Variants in UXS1 observed in about 807,000 individuals in gnomAD.
UXS1 encodes the protein UDP-glucuronate decarboxylase 1.
Under a neutral mutation model 62.6 loss-of-function variants are expected in UXS1, and 33 were observed. The observed-to-expected ratio is 0.53, with a 90% CI of 0.40 to 0.70. UXS1 has a LOEUF of 0.70. Among genes scored for constraint, UXS1 ranks in the 30% least tolerant of loss-of-function variants. The probability of loss-of-function intolerance (pLI) is 0.00; values close to 1 mark genes in which losing one functional copy is unlikely to be tolerated. For missense variants in UXS1, 434 were observed against 556.3 expected (o/e 0.78, Z 2.21); for synonymous variants, 213 against 206.8 (o/e 1.03, Z -0.26).
intron 11 of UXS1, among the ~76,000 whole-genome samples, chr2:106,103,485 C>T (rs929779650): frequency 5.3e-5 from 8 of 152,148 alleles, no homozygotes; most frequent in South Asian, 2.1e-4. Context: ...TATGGAAAGA[C>T]GGTACTCAAT....
At chr2:106,096,407 A>G (rs1468027374) in intron 14 of UXS1, among the ~76,000 whole-genome samples, 1 of 152,168 alleles carries the variant, frequency 6.6e-6, no homozygotes, top group Non-Finnish European at 1.5e-5. Flanking sequence ...CAGTGTGAGT[A>G]TATGTGTGTA....
At chr2:106,175,793 G>C (rs573551054) in intron 1 of UXS1, among the ~76,000 whole-genome samples, 12 of 152,256 alleles carry the variant, frequency 7.9e-5, no homozygotes, top group African/African-American at 2.6e-4. Flanking sequence ...CAGGCATCAC[G>C]AAACAAAGAA....
At chr2:106,138,479 G>A in intron 6 of UXS1, 3 of 985,444 alleles carry the variant, frequency 3.0e-6, no homozygotes, top group Non-Finnish European at 3.6e-6. Flanking sequence ...TGAGCCCACT[G>A]CAGGTCTCAC....
chr2:106,122,169 C>T (rs2167531), intron 9 of UXS1, among the ~76,000 whole-genome samples: 89,278 of 152,086 alleles, frequency 0.59, 26,432 homozygotes, highest in South Asian at 0.64. Flanking sequence ...GACCAACGTT[C>T]CACAGCCATG....
At chr2:106,118,594 T>G (rs1286452909) in intron 9 of UXS1, among the ~76,000 whole-genome samples, 3 of 152,220 alleles carry the variant, frequency 2.0e-5, no homozygotes, top group Non-Finnish European at 4.4e-5. Flanking sequence ...CGGGAAAGGC[T>G]CTGCCCTTTG....
At chr2:106,120,826 T>C (rs937876369) in intron 9 of UXS1, among the ~76,000 whole-genome samples, 1 of 152,212 alleles carries the variant, frequency 6.6e-6, no homozygotes, top group Non-Finnish European at 1.5e-5. Context: ...GGCACATGCC[T>C]GGTGACTCCA....
At chr2:106,137,874 ACAC>A (rs1288592773) in intron 6 of UXS1, among the ~76,000 whole-genome samples, 1 of 152,074 alleles carries the variant, frequency 6.6e-6, no homozygotes, top group African/African-American at 2.4e-5. Context: ...GCCGAGTACG[ACAC>A]CACAGAGCCC....
chr2:106,173,309 C>G (rs3888361), intron 1 of UXS1, among the ~76,000 whole-genome samples: 120,243 of 152,150 alleles, frequency 0.79, 48,443 homozygotes, highest in Non-Finnish European at 0.88. Context: ...TGCCTGTAAT[C>G]CCAGCACTTT....
At chr2:106,174,090 G>T (rs1244777769) in intron 1 of UXS1, among the ~76,000 whole-genome samples, 1 of 151,170 alleles carries the variant, frequency 6.6e-6, no homozygotes, top group Non-Finnish European at 1.5e-5. Context: ...GAAGAGGATT[G>T]GGGGGGGCGG....
At chr2:106,165,369 G>T (rs1291130232) in intron 2 of UXS1, among the ~76,000 whole-genome samples, 1 of 152,078 alleles carries the variant, frequency 6.6e-6, no homozygotes, top group African/African-American at 2.4e-5. Flanking sequence ...ATGTGCAGCC[G>T]CATTACATTA....
intron 10 of UXS1, among the ~76,000 whole-genome samples, chr2:106,109,572 T>C (rs1473976413): frequency 6.6e-6 from 1 of 152,204 alleles, no homozygotes; most frequent in East Asian, 1.9e-4. Flanking sequence ...ATAACTGAAC[T>C]GTGGACCAAA....
chr2:106,168,896 AG>A lies in UXS1; in HGVS notation c.95-2814del, dbSNP rs200393649. Among the ~76,000 whole-genome samples the A allele has an allele frequency of 6.9e-3, 1,055 of 152,358 alleles. 10 individuals are homozygous for A. The highest frequency in any genetic ancestry group is 0.012 in the Admixed American group (187 of 15,300). On this transcript the variant is annotated intron_variant, in intron 1 of 14. Transcript: ENST00000283148. ...TTCTGTAAAATGCATTGGGAAAAAA[AG>A]ACTGTGAAATTTCCAAAATACTGAG...
intron 3 of UXS1, among the ~76,000 whole-genome samples, 197 bp from the exon 4 acceptor site, chr2:106,163,907 C>T (rs1182670498): frequency 2.6e-5 from 4 of 152,216 alleles, no homozygotes; most frequent in African/African-American, 9.7e-5. Flanking sequence ...TGAACTCTTA[C>T]TCCATAAATG....
chr2:106,188,308 T>TGGGGACATGGAGAGGGC (rs1487215608), intron 1 of UXS1, among the ~76,000 whole-genome samples: 1 of 152,076 alleles, frequency 6.6e-6, no homozygotes, highest in Non-Finnish European at 1.5e-5. Flanking sequence ...TAGGTGAATA[T>TGGGGACATGGAGAGGGC]GGGGACATGG....
At chr2:106,189,497 A>G (rs1292730838) in intron 1 of UXS1, among the ~76,000 whole-genome samples, 2 of 152,158 alleles carry the variant, frequency 1.3e-5, no homozygotes, top group Non-Finnish European at 1.5e-5. Flanking sequence ...AGCAACTTAC[A>G]CTCGCAGCGA....
intron 9 of UXS1, 103 bp downstream of exon 9, chr2:106,122,867 C>G: frequency 1.3e-6 from 2 of 1,493,056 alleles, no homozygotes; most frequent in Non-Finnish European, 1.8e-6. Context: ...ACACCTATCC[C>G]CAGACAAAAT....
At chr2:106,172,408 C>T (rs1230220181) in intron 1 of UXS1, among the ~76,000 whole-genome samples, 1 of 152,168 alleles carries the variant, frequency 6.6e-6, no homozygotes, top group East Asian at 1.9e-4. Flanking sequence ...TAACAGAGGC[C>T]ATCAGTCACA....
intron 1 of UXS1, among the ~76,000 whole-genome samples, chr2:106,169,021 A>G (rs1315653353): frequency 6.6e-6 from 1 of 152,146 alleles, no homozygotes; most frequent in Non-Finnish European, 1.5e-5. Flanking sequence ...GAGGGAAGAG[A>G]TTTTAACCCT....
intron 4 of UXS1, among the ~76,000 whole-genome samples, chr2:106,158,816 A>G (rs1214438095): frequency 6.6e-6 from 1 of 152,204 alleles, no homozygotes; most frequent in African/African-American, 2.4e-5. Context: ...TAACTTCTCC[A>G]ACAACTTCTA....
Sources: gnomAD v4.1 joint callset for allele counts (sites outside exome capture counted in the v4.1 genomes callset) on GRCh38, gnomAD v4.1.1 for gene constraint, MANE v1.5 for transcripts, NCBI Gene and HGNC (gene_info 2026-07-23, HGNC 2026-07-21) for gene names.